SLC17A3: variants seen among roughly 807,000 people sequenced by gnomAD.
SLC17A3 encodes sodium-dependent phosphate transport protein 4.
In SLC17A3, 61 loss-of-function variants were observed where a neutral mutation model predicts 60.3. The observed-to-expected ratio is 1.01, with a 90% CI of 0.82 to 1.25. SLC17A3 has a LOEUF of 1.25. SLC17A3 is among the 50% of genes most tolerant of loss of function. SLC17A3 has a pLI of 0.00. For synonymous variants in SLC17A3, 192 were observed against 208.9 expected (o/e 0.92, Z 0.70); for missense variants, 624 against 594.9 (o/e 1.05, Z -0.51).
At chr6:25,849,193 A>C (rs994245023) in intron 11 of SLC17A3, among the ~76,000 whole-genome samples, 181 bp downstream of exon 11, 10 of 152,190 alleles carry the variant, frequency 6.6e-5, no homozygotes, top group African/African-American at 2.4e-4. Context: ...TCTTTGCTTG[A>C]GAATGAACCA....
chr6:25,858,698 G>A lies in SLC17A3; in HGVS notation c.625+2926C>T, dbSNP rs115481014. On this transcript the variant is annotated intron_variant, in intron 5 of 12. Transcript: ENST00000397060. ...CTATTGAAATACTGAGGAATTTTCA[G>A]TATGTCCTGTTTTTTCTCATGTCGC... Among the ~76,000 whole-genome samples, 698 of 152,268 alleles carry A rather than the reference G, an allele frequency of 4.6e-3. 10 individuals carry two copies. Among genetic ancestry groups the A allele is most frequent in the African/African-American group, 0.016 (654 of 41,554 alleles).
chr6:25,867,618 T>C (rs916640040), intron 2 of SLC17A3, among the ~76,000 whole-genome samples: 4 of 151,924 alleles, frequency 2.6e-5, no homozygotes, highest in Non-Finnish European at 5.9e-5. Flanking sequence ...ATAGATATAA[T>C]AGCCGAGTAA....
chr6:25,867,962 GT>G (rs1359838687), intron 2 of SLC17A3, among the ~76,000 whole-genome samples: 5 of 151,496 alleles, frequency 3.3e-5, no homozygotes, highest in African/African-American at 9.7e-5. Flanking sequence ...TCTATAATTA[GT>G]TTTTTTTACT....
chr6:25,870,828 A>G (rs1329520799), intron 1 of SLC17A3, among the ~76,000 whole-genome samples: 2 of 152,060 alleles, frequency 1.3e-5, no homozygotes, highest in African/African-American at 2.4e-5. Flanking sequence ...TGTGTTTGTG[A>G]AGCTGCTTTC....
rs747055161 is a variant in SLC17A3, at chr6:25,850,546, G to A, written c.906C>T (p.Gly302=). ...RSLPIWSICL[G]CFSHQWLVST... ...TAACTAACCATTGATGGCTGAAACA[G>A]CCTAAACATATGGACCAAATGGGTA... Residue 302 remains glycine (G), a synonymous_variant, in exon 8 of 13, where the codon GGC becomes GGT. Transcript: ENST00000397060. 2 of 1,613,714 alleles carry A rather than the reference G, an allele frequency of 1.2e-6. No homozygotes were observed. The highest frequency in any genetic ancestry group is 2.7e-5 in the African/African-American group (2 of 74,868).
Position 25,861,981 on chromosome 6 carries a change from C to T in SLC17A3, c.352G>A (p.Ala118Thr), listed in dbSNP as rs1463105495. 1 of 1,611,748 alleles carries T rather than the reference C, an allele frequency of 6.2e-7. No individual in the cohort carries two copies. The highest frequency in any genetic ancestry group is 2.2e-5 in the East Asian group (1 of 44,848). Reference sequence around the variant, plus strand: ...GTCAGTATGCCACCATAGCCAACAGCACCAAAGATGATGCCTTGGATTTGA... The same window carrying T: ...GTCAGTATGCCACCATAGCCAACAGTACCAAAGATGATGCCTTGGATTTGA... Reference protein sequence around the residue: ...SPQIQGIIFGAVGYGGILTMA... With the variant: ...SPQIQGIIFGTVGYGGILTMA... The change falls in exon 4 of 13, where the codon GCT becomes ACT. Residue 118 changes from alanine (A) to threonine (T), a missense_variant. Coordinates refer to ENST00000397060, the MANE Select transcript of SLC17A3 (RefSeq NM_001098486.2).
At chr6:25,872,355 C>T (rs1181933707) in intron 1 of SLC17A3, among the ~76,000 whole-genome samples, 2 of 145,864 alleles carry the variant, frequency 1.4e-5, no homozygotes, top group Non-Finnish European at 3.0e-5. Context: ...AAGGCAAAGG[C>T]TACAAATTTG....
At chr6:25,846,225 TA>T (rs1325200007) in intron 11 of SLC17A3, among the ~76,000 whole-genome samples, 6 of 152,174 alleles carry the variant, frequency 3.9e-5, no homozygotes, top group East Asian at 1.9e-4. Context: ...TTGCCTTTAA[TA>T]AAAAACAACC....
At chr6:25,872,149 A>G (rs1484643186) in intron 1 of SLC17A3, among the ~76,000 whole-genome samples, 3 of 151,846 alleles carry the variant, frequency 2.0e-5, no homozygotes, top group African/African-American at 7.3e-5. Context: ...TAACTTTATG[A>G]CTTCATAATT....
intron 2 of SLC17A3, among the ~76,000 whole-genome samples, chr6:25,863,141 T>A (rs1765478893): frequency 6.6e-6 from 1 of 152,042 alleles, no homozygotes; most frequent in Non-Finnish European, 1.5e-5. Flanking sequence ...GAAATCTCAT[T>A]CTCCGTTTTC....
At chr6:25,856,590 G>A (rs1393216072) in intron 5 of SLC17A3, among the ~76,000 whole-genome samples, 1 of 152,160 alleles carries the variant, frequency 6.6e-6, no homozygotes, top group Non-Finnish European at 1.5e-5. Flanking sequence ...GCTCATGCTT[G>A]TAATCCCAGC....
chr6:25,849,602 G>A, intron 10 of SLC17A3, 138 bp from the exon 11 acceptor site: 2 of 739,294 alleles, frequency 2.7e-6, no homozygotes, highest in Non-Finnish European at 4.7e-6. Context: ...ATATCAAAAA[G>A]GACTTGCACT....
chr6:25,871,310 T>C (rs1765636482), intron 1 of SLC17A3, among the ~76,000 whole-genome samples: 1 of 151,842 alleles, frequency 6.6e-6, no homozygotes, highest in African/African-American at 2.4e-5. Context: ...TATGCAGCCA[T>C]AAAAAATGAT....
intron 5 of SLC17A3, among the ~76,000 whole-genome samples, chr6:25,860,714 G>A (rs1006270932): frequency 6.6e-6 from 1 of 152,160 alleles, no homozygotes; most frequent in Non-Finnish European, 1.5e-5. Context: ...GACCTATTCT[G>A]GTTGTTCAGT....
chr6:25,862,294 T>A lies in SLC17A3; in HGVS notation c.242A>T (p.Glu81Val). The change falls in exon 3 of 13, where the codon GAG (glutamate) becomes GTG (valine). Residue 81 changes from glutamate to valine, a missense_variant. Coordinates refer to ENST00000397060, the MANE Select transcript of SLC17A3 (RefSeq NM_001098486.2). ...SPQSQLNDSS[E>V]VLPVDSFGGL... ...ACCAAATGAGTCAACAGGCAGCACCTCAGAGGAATCATTGAGCTGGGATTG... is the reference window on the plus strand; with the variant it reads ...ACCAAATGAGTCAACAGGCAGCACCACAGAGGAATCATTGAGCTGGGATTG... 3 of 1,613,828 alleles carry A rather than the reference T, an allele frequency of 1.9e-6. No homozygotes were observed. Among genetic ancestry groups the A allele is most frequent in the Non-Finnish European group, 2.5e-6 (3 of 1,179,826 alleles).
At chr6:25,862,822 A>C (rs1331106167) in intron 2 of SLC17A3, among the ~76,000 whole-genome samples, 3 of 151,836 alleles carry the variant, frequency 2.0e-5, no homozygotes, top group Non-Finnish European at 4.4e-5. Context: ...GAATATGTGC[A>C]CATATTTAAA....
At chr6:25,849,163 G>C (rs1765227231) in intron 11 of SLC17A3, among the ~76,000 whole-genome samples, 1 of 152,156 alleles carries the variant, frequency 6.6e-6, no homozygotes, top group Admixed American at 6.5e-5. Context: ...CAGTTTCAAA[G>C]ACAGCAATCA....
chr6:25,873,555 C>A (rs565213962), intron 1 of SLC17A3, among the ~76,000 whole-genome samples: 1 of 152,050 alleles, frequency 6.6e-6, no homozygotes, highest in Non-Finnish European at 1.5e-5. Context: ...GCCCACCTAC[C>A]ATCTTCTGCT....
chr6:25,852,178 G>T (rs1765289086), intron 6 of SLC17A3, among the ~76,000 whole-genome samples: 1 of 151,652 alleles, frequency 6.6e-6, no homozygotes, highest in African/African-American at 2.4e-5. Flanking sequence ...CTTCTCTCTT[G>T]CACTGCTTCT....
Sources: allele counts gnomAD v4.1 joint callset (sites outside exome capture counted in the v4.1 genomes callset), GRCh38; gene constraint gnomAD v4.1.1; transcripts MANE v1.5; gene names NCBI Gene and HGNC (gene_info 2026-07-23, HGNC 2026-07-21).